GALNT10: variants seen among roughly 807,000 people sequenced by gnomAD.
GALNT10 encodes the protein polypeptide N-acetylgalactosaminyltransferase 10.
Under a neutral mutation model 75.0 loss-of-function variants are expected in GALNT10, and 41 were observed. That is an observed-to-expected ratio of 0.55 (90% CI 0.43 to 0.71). The LOEUF (loss-of-function observed/expected upper bound fraction) is 0.71. Ranked by LOEUF, GALNT10 falls within the 30% of genes least tolerant of loss-of-function variation. The pLI is 0.00. For synonymous variants in GALNT10, 302 were observed against 313.0 expected (o/e 0.96, Z 0.37); for missense variants, 727 against 818.5 (o/e 0.89, Z 1.36).
At chr5:154,282,364 A>G (rs1168349375) in intron 1 of GALNT10, among the ~76,000 whole-genome samples, 1 of 152,212 alleles carries the variant, frequency 6.6e-6, no homozygotes. Context: ...GCAGGCTACC[A>G]TGCAGCTCCT....
intron 8 of GALNT10, among the ~76,000 whole-genome samples, chr5:154,405,308 A>C (rs1016564693): frequency 1.3e-5 from 2 of 152,170 alleles, no homozygotes; most frequent in African/African-American, 4.8e-5. Context: ...TCTCCCTGAG[A>C]GCCATCAGTG....
intron 1 of GALNT10, among the ~76,000 whole-genome samples, chr5:154,215,144 C>T (rs531304634): frequency 3.3e-5 from 5 of 152,306 alleles, no homozygotes; most frequent in South Asian, 4.1e-4. Context: ...TCATTCAGTA[C>T]GACGTGTCAC....
At position 154,216,261 on chromosome 5, in the gene GALNT10, A is replaced by T. The variant is rs183629859; in HGVS notation, c.159+25236A>T. Among the ~76,000 whole-genome samples, 19 of 152,280 alleles carry T rather than the reference A, an allele frequency of 1.2e-4. No individual in the cohort carries two copies. In the East Asian group the frequency reaches 3.1e-3, roughly 25 times the overall value. On this transcript the variant is annotated intron_variant, in intron 1 of 11. Transcript: ENST00000297107. ...TTGTAATAATAATAATATTATTTTTAAAAAATACTGCTATGTGTTATATAC... is the reference window on the plus strand; with the variant it reads ...TTGTAATAATAATAATATTATTTTTTAAAAATACTGCTATGTGTTATATAC...
intron 1 of GALNT10, among the ~76,000 whole-genome samples, chr5:154,267,227 G>A (rs1753791700): frequency 6.6e-6 from 1 of 152,182 alleles, no homozygotes; most frequent in African/African-American, 2.4e-5. Context: ...AATATTTAAG[G>A]TGAAGCAAAG....
At chr5:154,200,663 C>A (rs1186566756) in intron 1 of GALNT10, among the ~76,000 whole-genome samples, 2 of 152,088 alleles carry the variant, frequency 1.3e-5, no homozygotes, top group Non-Finnish European at 2.9e-5. Context: ...TCTTGGAGAG[C>A]CAGGATCTGT....
chr5:154,393,067 A>AAAACAAAC (rs70978538), intron 7 of GALNT10: 2 of 116,508 alleles, frequency 1.7e-5, no homozygotes, highest in Admixed American at 8.5e-5. Flanking sequence ...CAAAAAAAAA[A>AAAACAAAC]AAAAAAAAAA....
intron 3 of GALNT10, among the ~76,000 whole-genome samples, chr5:154,319,158 G>A (rs762610960): frequency 1.4e-4 from 22 of 152,316 alleles, no homozygotes; most frequent in African/African-American, 5.1e-4. Flanking sequence ...AGGAGGCCAC[G>A]CTGCATGTGG....
At position 154,246,378 on chromosome 5, in the gene GALNT10, C is replaced by T. The variant is rs1247458845; in HGVS notation, c.160-48438C>T. Among the ~76,000 whole-genome samples the T allele has an allele frequency of 2.1e-4, 32 of 152,306 alleles. No homozygotes were observed. In the East Asian group the frequency reaches 4.4e-3, roughly 21 times the overall value. ...TTCCAGTTCTAGATCCCTGAGGAAT[C>T]GCCACACTGTCTTCCACAATGGTTG... On this transcript the variant is annotated intron_variant, in intron 1 of 11. Coordinates refer to ENST00000297107, the MANE Select transcript of GALNT10 (RefSeq NM_198321.4).
chr5:154,211,868 C>A (rs563684531), intron 1 of GALNT10, among the ~76,000 whole-genome samples: 1 of 152,088 alleles, frequency 6.6e-6, no homozygotes, highest in African/African-American at 2.4e-5. Context: ...ATCCAAGAGA[C>A]GGGGAGAGAG....
chr5:154,407,344 G>T (rs1756302199), intron 8 of GALNT10, among the ~76,000 whole-genome samples: 1 of 152,202 alleles, frequency 6.6e-6, no homozygotes, highest in Admixed American at 6.5e-5. Flanking sequence ...TAAGTGTAAA[G>T]TCATTTCCTT....
intron 4 of GALNT10, among the ~76,000 whole-genome samples, chr5:154,339,671 T>C (rs1755000232): frequency 6.6e-6 from 1 of 152,240 alleles, no homozygotes; most frequent in African/African-American, 2.4e-5. Flanking sequence ...AGCTGCATTA[T>C]ATTTTCAGAA....
At chr5:154,368,137 T>C (rs966584332) in intron 4 of GALNT10, among the ~76,000 whole-genome samples, 1 of 152,162 alleles carries the variant, frequency 6.6e-6, no homozygotes, top group African/African-American at 2.4e-5. Context: ...AGGTTTAAGG[T>C]GAGGCCTAAG....
chr5:154,248,700 T>C (rs1002240796), intron 1 of GALNT10, among the ~76,000 whole-genome samples: 5 of 152,242 alleles, frequency 3.3e-5, no homozygotes, highest in African/African-American at 1.2e-4. Flanking sequence ...TTCTTCTCTC[T>C]TTTCTTCTTT....
Position 154,412,623 on chromosome 5 carries a change from C to T in GALNT10, c.1387-266C>T. 1 of 370,144 alleles carries T rather than the reference C, an allele frequency of 2.7e-6. No homozygotes were observed. The allele number at this position is 370,144 out of a possible 1,614,324, so 22.9% of individuals were successfully genotyped here. A position where few individuals can be genotyped will look rare whatever the true frequency, so the allele number is the denominator to read the frequency against. On this transcript the variant is annotated intron_variant, in intron 9 of 11. Transcript: ENST00000297107. This position sits in a 1 kb window ranked among gnomAD's most constrained non-coding sequence, Gnocchi z 4.2. ...AGGGAGTCCTTTACCAACTCCTCAC[C>T]TCCACTCCCCCACCACCAACCCAGG...
intron 1 of GALNT10, among the ~76,000 whole-genome samples, chr5:154,227,751 T>C (rs1450405357): frequency 6.6e-6 from 1 of 152,218 alleles, no homozygotes; most frequent in Non-Finnish European, 1.5e-5. Context: ...CCAAGGTTTT[T>C]TTTTTTCCCT....
chr5:154,235,468 G>A lies in GALNT10; in HGVS notation c.159+44443G>A, dbSNP rs184283940. ...ACAGAGACTTGTAGCTTCAGTACTAGGAAAGGGCCTTAGGGGTTGATTCAG... is the reference window on the plus strand; with the variant it reads ...ACAGAGACTTGTAGCTTCAGTACTAAGAAAGGGCCTTAGGGGTTGATTCAG... On this transcript the variant is annotated intron_variant, in intron 1 of 11. Coordinates refer to ENST00000297107, the MANE Select transcript of GALNT10 (RefSeq NM_198321.4). Among the ~76,000 whole-genome samples the A allele has an allele frequency of 5.8e-4, 89 of 152,260 alleles. 1 individual carries two copies. The highest frequency in any genetic ancestry group is 5.8e-3 in the Admixed American group (88 of 15,296).
At position 154,329,741 on chromosome 5, in the gene GALNT10, A is replaced by G; in HGVS notation, c.568+3A>G. 6.2e-7 allele frequency: 1 copy of G among 1,610,314 alleles called. No homozygotes were observed. Among genetic ancestry groups the G allele is most frequent in the South Asian group, 1.1e-5 (1 of 90,982 alleles). Reference sequence around the variant, plus strand: ...GGTCGACGACTTCAGTGATCGAGGTAGGATCCGTCCCACCCAGCCTCCCAC... The same window carrying G: ...GGTCGACGACTTCAGTGATCGAGGTGGGATCCGTCCCACCCAGCCTCCCAC... On this transcript the variant is annotated splice_donor_region_variant and intron_variant, in intron 4 of 11. Coordinates refer to ENST00000297107, the MANE Select transcript of GALNT10 (RefSeq NM_198321.4).
chr5:154,199,963 G>A (rs1304537973), intron 1 of GALNT10, among the ~76,000 whole-genome samples: 1 of 152,198 alleles, frequency 6.6e-6, no homozygotes, highest in Non-Finnish European at 1.5e-5. Flanking sequence ...GAGGTACAGA[G>A]AGGTCAGGTA....
At chr5:154,405,036 C>T (rs1180247702) in intron 8 of GALNT10, among the ~76,000 whole-genome samples, 1 of 152,102 alleles carries the variant, frequency 6.6e-6, no homozygotes, top group Non-Finnish European at 1.5e-5. Context: ...GAGGGAGGGT[C>T]CCCAGAGGAT....
Sources: gnomAD v4.1 joint callset for allele counts (sites outside exome capture counted in the v4.1 genomes callset) on GRCh38, gnomAD v4.1.1 for gene constraint, Gnocchi (gnomAD v3.1) non-coding constraint, MANE v1.5 for transcripts, NCBI Gene and HGNC (gene_info 2026-07-23, HGNC 2026-07-21) for gene names.